Variants in PGM3 observed in about 807,000 individuals in gnomAD.
PGM3 encodes phosphoglucomutase 3, also known as phosphoacetylglucosamine mutase.
PGM3 carries 40 observed loss-of-function variants against 66.2 expected under a neutral mutation model. The observed-to-expected ratio is 0.60, with a 90% CI of 0.47 to 0.79. The LOEUF (loss-of-function observed/expected upper bound fraction) is 0.79. Ranked by LOEUF, PGM3 falls within the 30% of genes least tolerant of loss-of-function variation. The probability of loss-of-function intolerance (pLI) is 0.00; values close to 1 mark genes in which losing one functional copy is unlikely to be tolerated. For missense variants in PGM3, 537 were observed against 643.4 expected (o/e 0.83, Z 1.79); for synonymous variants, 191 against 224.2 (o/e 0.85, Z 1.32).
At chr6:83,163,189 A>G (rs965039716), downstream of PGM3, among the ~76,000 whole-genome samples, 1 of 152,180 alleles carries the variant, frequency 6.6e-6, no homozygotes, top group Admixed American at 6.5e-5. Flanking sequence ...CTACCTTAAA[A>G]TGTTTTCCCC....
At chr6:83,170,734 G>A (rs553317682) in intron 11 of PGM3, 4 of 350,288 alleles carry the variant, frequency 1.1e-5, no homozygotes, top group East Asian at 9.2e-5. Flanking sequence ...CAGTAAATAC[G>A]ATATGACTAA....
chr6:83,167,719 G>GTTT lies in PGM3; in HGVS notation c.*1512_*1514dup. 1 of 1,412,760 alleles carries GTTT rather than the reference G, an allele frequency of 7.1e-7. No individual in the cohort carries two copies. The allele number at this position is 1,412,760 out of a possible 1,614,324, so 87.5% of individuals were successfully genotyped here. On this transcript the variant is annotated 3_prime_UTR_variant, in exon 13 of 13. Coordinates refer to ENST00000513973, the MANE Select transcript of PGM3 (RefSeq NM_015599.3). Reference sequence around the variant, plus strand: ...GTAAAAGGTCTCAGAAGCACCAAGGGTTTTGATCAGGTCAGGAGTTAGAAA... The same window carrying GTTT: ...GTAAAAGGTCTCAGAAGCACCAAGGGTTTTTTTGATCAGGTCAGGAGTTAGAAA...
Position 83,168,953 on chromosome 6 carries a change from C to A in PGM3, c.*281G>T, listed in dbSNP as rs1786468887. The A allele has an allele frequency of 2.6e-6, 3 of 1,148,454 alleles. No homozygotes were observed. The highest frequency in any genetic ancestry group is 3.2e-6 in the Non-Finnish European group (3 of 930,566). The allele number at this position is 1,148,454 out of a possible 1,614,324, so 71.1% of individuals were successfully genotyped here. On this transcript the variant is annotated 3_prime_UTR_variant, in exon 13 of 13. Coordinates refer to ENST00000513973, the MANE Select transcript of PGM3 (RefSeq NM_015599.3). ...TTCCAGTAGCCTGCATGAATTGTTCCCCACATAAAACTGTACAGTTAGTGA... is the reference window on the plus strand; with the variant it reads ...TTCCAGTAGCCTGCATGAATTGTTCACCACATAAAACTGTACAGTTAGTGA...
chr6:83,171,292 CTA>C (rs910232153), intron 11 of PGM3: 15 of 152,198 alleles, frequency 9.9e-5, no homozygotes, highest in African/African-American at 2.9e-4. Flanking sequence ...ACATTTATAT[CTA>C]TTTTTAATTT....
intron 10 of PGM3, among the ~76,000 whole-genome samples, chr6:83,172,615 C>T (rs562376216): frequency 2.0e-5 from 3 of 151,294 alleles, no homozygotes; most frequent in South Asian, 2.1e-4. Flanking sequence ...GCCAAGATTG[C>T]GCCACTGCAC....
At position 83,189,352 on chromosome 6, in the gene PGM3, G is replaced by A. The variant is rs140723274; in HGVS notation, c.205-554C>T. 2.6e-5 allele frequency among the ~76,000 whole-genome samples: 4 copies of A among 152,304 alleles called. No homozygotes were observed. In the East Asian group the frequency reaches 5.8e-4, roughly 22 times the overall value. ...TCCCAACACTGTTCTGCTCAAATTC[G>A]TGGAAAGAAAGTGTAGTTCACAGTG... On this transcript the variant is annotated intron_variant, in intron 2 of 12. Coordinates refer to ENST00000513973, the MANE Select transcript of PGM3 (RefSeq NM_015599.3).
chr6:83,191,808 G>A (rs1789089778), intron 1 of PGM3, among the ~76,000 whole-genome samples: 1 of 151,838 alleles, frequency 6.6e-6, no homozygotes, highest in Admixed American at 6.6e-5. Flanking sequence ...GGCCAACATG[G>A]CGAAACCGCC....
chr6:83,175,276 T>A (rs2128490334), intron 9 of PGM3, among the ~76,000 whole-genome samples: 1 of 152,318 alleles, frequency 6.6e-6, no homozygotes, highest in Middle Eastern at 3.4e-3. Context: ...GAAAATAATT[T>A]ACCAACTTCT....
At chr6:83,154,565 T>C in the PGM3 span, among the ~76,000 whole-genome samples, 3 of 152,176 alleles carry the variant, frequency 2.0e-5, no homozygotes, top group African/African-American at 7.2e-5. Flanking sequence ...CACATAATAA[T>C]AGCACTCAAT....
intron 1 of PGM3, among the ~76,000 whole-genome samples, chr6:83,192,049 GAGGTC>G (rs1789144234): frequency 6.6e-6 from 1 of 150,962 alleles, no homozygotes; most frequent in East Asian, 2.0e-4. Context: ...GGCGGATCAC[GAGGTC>G]AGGAATTCAA....
chr6:83,154,767 G>C, the PGM3 span, among the ~76,000 whole-genome samples: 1 of 151,830 alleles, frequency 6.6e-6, no homozygotes, highest in Non-Finnish European at 1.5e-5. Flanking sequence ...TGTTTTTATA[G>C]TTTAGGATTC....
the PGM3 span, among the ~76,000 whole-genome samples, chr6:83,150,191 T>A: frequency 1.3e-5 from 2 of 152,098 alleles, no homozygotes; most frequent in African/African-American, 2.4e-5. Flanking sequence ...CTAGGCAACA[T>A]AGGGAGACTG....
intron 4 of PGM3, among the ~76,000 whole-genome samples, chr6:83,183,709 G>A (rs1429090144): frequency 6.6e-6 from 1 of 152,048 alleles, no homozygotes; most frequent in Non-Finnish European, 1.5e-5. Flanking sequence ...AACCACAGGA[G>A]TCCAAAGGAA....
rs149361394 is a variant in PGM3 at position 83,167,963 on chromosome 6, G to A, written c.*1271C>T. 21 of 1,614,146 alleles carry A rather than the reference G, an allele frequency of 1.3e-5. No homozygotes were observed. Among genetic ancestry groups the A allele is most frequent in the Admixed American group, 8.3e-5 (5 of 60,012 alleles). Reference sequence around the variant, plus strand: ...TGCGCAGTATGGAGCAGCTCCTGCCGTTCTTCAATGTGCTCAGTCAAGTCT... The same window carrying A: ...TGCGCAGTATGGAGCAGCTCCTGCCATTCTTCAATGTGCTCAGTCAAGTCT... On this transcript the variant is annotated 3_prime_UTR_variant, in exon 13 of 13. Coordinates refer to ENST00000513973, the MANE Select transcript of PGM3 (RefSeq NM_015599.3).
chr6:83,160,090 C>T, downstream of PGM3: 5 of 878,538 alleles, frequency 5.7e-6, no homozygotes, highest in Non-Finnish European at 8.6e-6. Context: ...AAATGTAATT[C>T]TTTTGGCACA....
chr6:83,184,734 A>C (rs573940352), intron 4 of PGM3, among the ~76,000 whole-genome samples: 1 of 152,280 alleles, frequency 6.6e-6, no homozygotes, highest in South Asian at 2.1e-4. Flanking sequence ...TCCCTTTCTT[A>C]ACAACTTTCC....
downstream of PGM3, among the ~76,000 whole-genome samples, chr6:83,161,658 C>T (rs1032606240): frequency 1.3e-5 from 2 of 152,166 alleles, no homozygotes; most frequent in African/African-American, 2.4e-5. Context: ...TATAGATAAC[C>T]ATCAGAATGG....
At chr6:83,155,298 CAAAAAAAA>C in the PGM3 span, among the ~76,000 whole-genome samples, 1 of 57,788 alleles carries the variant, frequency 1.7e-5, no homozygotes, top group African/African-American at 6.2e-5. Context: ...CCCAGCTCTA[CAAAAAAAA>C]AAAAAAAAAT....
At chr6:83,177,169 C>G (rs2128492151) in intron 8 of PGM3, among the ~76,000 whole-genome samples, 1 of 152,232 alleles carries the variant, frequency 6.6e-6, no homozygotes, top group East Asian at 1.9e-4. Context: ...CTTTACCTGT[C>G]CAAATCCTGC....
Sources: allele counts gnomAD v4.1 joint callset (sites outside exome capture counted in the v4.1 genomes callset), GRCh38; gene constraint gnomAD v4.1.1; transcripts MANE v1.5; gene names NCBI Gene and HGNC (gene_info 2026-07-23, HGNC 2026-07-21).